Variants in COL4A5 observed in about 807,000 individuals in gnomAD.
COL4A5 encodes the protein collagen type IV alpha 5 chain.
Under a neutral mutation model 130.2 loss-of-function variants are expected in COL4A5, and 26 were observed. That is an observed-to-expected ratio of 0.20 (90% confidence interval 0.15 to 0.28). COL4A5 has a LOEUF of 0.28. Among genes scored for constraint, COL4A5 ranks in the 10% least tolerant of loss-of-function variants. COL4A5 has a pLI of 1.00. For missense variants in COL4A5, 1,131 were observed against 1,344.3 expected (o/e 0.84, Z 2.48); for synonymous variants, 496 against 439.6 (o/e 1.13, Z -1.60).
At chrX:108,682,995 C>T (rs771455368) in intron 47 of COL4A5, among the ~76,000 whole-genome samples, 97 of 111,853 alleles carry the variant, frequency 8.7e-4, no homozygotes, top group African/African-American at 3.0e-3. Context: ...ATGGTATTGC[C>T]TAGGTTTTCT....
chrX:108,633,525 C>G (rs2067303353), intron 36 of COL4A5, among the ~76,000 whole-genome samples: 1 of 110,427 alleles, frequency 9.1e-6, no homozygotes, highest in Non-Finnish European at 1.9e-5. Flanking sequence ...CAAATTTGTT[C>G]ATGAATTTTT....
At chrX:108,596,959 T>TTGTG in intron 22 of COL4A5, 39 bp from the exon 23 acceptor site, 2 of 1,101,228 alleles carry the variant, frequency 1.8e-6, no homozygotes, top group Non-Finnish European at 2.5e-6. Flanking sequence ...GCTTACGTTA[T>TTGTG]TGTGTGTGTG....
chrX:108,629,411 G>A (rs866353053), intron 36 of COL4A5, among the ~76,000 whole-genome samples: 4 of 111,465 alleles, frequency 3.6e-5, no homozygotes, highest in Middle Eastern at 4.7e-3. Flanking sequence ...AAATAATGCA[G>A]GCTAATGATG....
intron 37 of COL4A5, among the ~76,000 whole-genome samples, chrX:108,665,122 T>C (rs1428851404): frequency 8.9e-6 from 1 of 112,117 alleles, no homozygotes; most frequent in Admixed American, 9.4e-5. Flanking sequence ...TTATAATAGA[T>C]AAAAGCTGGA....
intron 48 of COL4A5, among the ~76,000 whole-genome samples, chrX:108,687,204 A>G (rs918757655): frequency 8.9e-6 from 1 of 112,235 alleles, no homozygotes; most frequent in African/African-American, 3.2e-5. Context: ...TGGCAACCAC[A>G]CCCTTCCTTT....
intron 36 of COL4A5, among the ~76,000 whole-genome samples, chrX:108,648,309 G>A (rs964450112): frequency 9.0e-6 from 1 of 110,832 alleles, no homozygotes; most frequent in Non-Finnish European, 1.9e-5. Flanking sequence ...ATTCACAACA[G>A]AATTCTGCCA....
intron 1 of COL4A5, among the ~76,000 whole-genome samples, chrX:108,520,894 A>G (rs1439654507): frequency 8.9e-6 from 1 of 111,759 alleles, no homozygotes; most frequent in Non-Finnish European, 1.9e-5. Flanking sequence ...ACCATTGTAT[A>G]TTCATCTAGA....
rs1378061727 is a variant in COL4A5, at chrX:108,687,581, G to A, written c.4415G>A (p.Arg1472His). The A allele has an allele frequency of 2.5e-6, 3 of 1,211,039 alleles. No individual in the cohort carries two copies. Among genetic ancestry groups the A allele is most frequent in the East Asian group, 3.0e-5 (1 of 33,818 alleles). ...GTTGCACATGGATTTCTTATTACAC[G>A]CCACAGCCAGACAACGGATGCACCA... ...SSVAHGFLIT[R>H]HSQTTDAPQC... Residue 1472 changes from arginine (R) to histidine (H), a missense_variant, in exon 49 of 53, where the codon CGC becomes CAC. By Grantham distance (29) the Arg-to-His change is conservative. Coordinates refer to ENST00000328300, the MANE Select transcript of COL4A5 (RefSeq NM_033380.3).
intron 29 of COL4A5, among the ~76,000 whole-genome samples, chrX:108,610,241 C>T (rs972390401): frequency 9.0e-6 from 1 of 110,499 alleles, no homozygotes; most frequent in Non-Finnish European, 1.9e-5. Flanking sequence ...GGAAGGAACC[C>T]GACTTCCCTC....
chrX:108,558,704 T>C (rs188415395), intron 2 of COL4A5, among the ~76,000 whole-genome samples: 1 of 111,795 alleles, frequency 8.9e-6, no homozygotes, highest in Admixed American at 9.5e-5. Flanking sequence ...GGTTTCCTTT[T>C]ACCCTTCCCT....
At chrX:108,550,092 A>G (rs1195273463) in intron 2 of COL4A5, among the ~76,000 whole-genome samples, 1 of 111,882 alleles carries the variant, frequency 8.9e-6, no homozygotes, top group South Asian at 3.7e-4. Context: ...AATTCTATGA[A>G]ACATTTTTGC....
intron 47 of COL4A5, 56 bp from the exon 48 acceptor site, chrX:108,685,975 T>G: frequency 2.0e-6 from 2 of 985,520 alleles, no homozygotes; most frequent in Admixed American, 4.5e-5. Flanking sequence ...CTCCTAGATC[T>G]GTCCAGATGT....
rs754836509 is a variant in COL4A5 at position 108,680,694 on chromosome X, C to T, written c.3958C>T (p.Pro1320Ser). The change falls in exon 45 of 53, where the codon CCG becomes TCG. Residue 1320 changes from proline to serine, a missense_variant. Physicochemically the swap from Pro to Ser is moderately conservative, Grantham distance 74. Transcript: ENST00000328300. ...PPGLQGNPGR[P>S]GLNGMKGDPG... The stretch of plus-strand genomic sequence containing the variant: ...ATTTATTCAGGGTAATCCTGGCCGG[C>T]CGGGTCTCAATGGAATGAAAGGAGA... The T allele has an allele frequency of 1.3e-4, 156 of 1,207,663 alleles. No homozygotes were observed. In the East Asian group the frequency reaches 4.1e-3, roughly 32 times the overall value.
In COL4A5 at chrX:108,531,009, C is replaced by T. The variant is rs767780979; in HGVS notation, c.82-8737C>T. Among the ~76,000 whole-genome samples, 288 of 102,081 alleles carry T rather than the reference C, an allele frequency of 2.8e-3. 1 individual carries two copies. The highest frequency in any genetic ancestry group is 1.0e-2 in the Middle Eastern group (2 of 201). 88.6% of individuals were successfully genotyped at this position (102,081 alleles called of 115,157 possible). A position where few individuals can be genotyped will look rare whatever the true frequency, so the allele number is the denominator to read the frequency against. The stretch of plus-strand genomic sequence containing the variant: ...ATTAAGAAAATGTGGCACATATACA[C>T]CATGGAATACTATGCAGCCATAAAA... On this transcript the variant is annotated intron_variant, in intron 1 of 52. Transcript: ENST00000328300.
chrX:108,467,699 A>G (rs999727370), intron 1 of COL4A5, among the ~76,000 whole-genome samples: 1 of 111,393 alleles, frequency 9.0e-6, no homozygotes, highest in Admixed American at 9.6e-5. Flanking sequence ...TTTTCTGTGT[A>G]CATGTTTTTT....
intron 1 of COL4A5, among the ~76,000 whole-genome samples, chrX:108,474,794 C>A (rs1184076720): frequency 9.0e-6 from 1 of 111,061 alleles, no homozygotes; most frequent in African/African-American, 3.3e-5. Flanking sequence ...GATAAGAGTT[C>A]ATTTTCTTTC....
Position 108,580,576 on chromosome X carries a change from G to T in COL4A5, c.824G>T (p.Arg275Leu). 2 of 1,209,084 alleles carry T rather than the reference G, an allele frequency of 1.7e-6. No individual in the cohort carries two copies. Among genetic ancestry groups the T allele is most frequent in the South Asian group, 3.5e-5 (2 of 56,936 alleles). Residue 275 changes from arginine to leucine, a missense_variant, in exon 14 of 53, where the codon CGT becomes CTT. Physicochemically the swap from Arg to Leu is moderately radical, Grantham distance 102 (BLOSUM62 -2). Transcript: ENST00000328300. ...GGGCCTCCTGGACCTCCAGGGATAC[G>T]TGGTCCTCCAGTAAGTACCTAAAGT... ...DRGPPGPPGI[R>L]GPPGPPGGEK...
rs558025535 is a variant in COL4A5 at position 108,607,350 on chromosome X, C to CAA, written c.2395+474_2395+475dup. 3.5e-3 allele frequency among the ~76,000 whole-genome samples: 174 copies of CAA among 49,701 alleles called. 2 individuals are homozygous for CAA. The highest frequency in any genetic ancestry group is 0.011 in the East Asian group (20 of 1,814). The allele number at this position is 49,701 out of a possible 115,157, so 43.2% of individuals were successfully genotyped here. A position where few individuals can be genotyped will look rare whatever the true frequency, so the allele number is the denominator to read the frequency against. ...TGGGTGACAGAGTGAGACTTTGTCTCAAAAAAAAAAAAAAAAACAATCATA... is the reference window on the plus strand; with the variant it reads ...TGGGTGACAGAGTGAGACTTTGTCTCAAAAAAAAAAAAAAAAAAACAATCATA... On this transcript the variant is annotated intron_variant, in intron 29 of 52. Coordinates refer to ENST00000328300, the MANE Select transcript of COL4A5 (RefSeq NM_033380.3).
chrX:108,677,890 C>A lies in COL4A5; in HGVS notation c.3942+257C>A, dbSNP rs148458420. Among the ~76,000 whole-genome samples the A allele has an allele frequency of 6.7e-3, 747 of 111,933 alleles. 7 individuals are homozygous for A. Among genetic ancestry groups the A allele is most frequent in the African/African-American group, 0.023 (708 of 30,879 alleles). On this transcript the variant is annotated intron_variant, in intron 44 of 52. Coordinates refer to ENST00000328300, the MANE Select transcript of COL4A5 (RefSeq NM_033380.3). ...TGCATATTTGGATTTGAGTAGCCTT[C>A]ATTTCAGTGAAAGCAAATTTATGCA...
Sources: gnomAD v4.1 joint callset for allele counts (sites outside exome capture counted in the v4.1 genomes callset) on GRCh38, gnomAD v4.1.1 for gene constraint, MANE v1.5 for transcripts, NCBI Gene and HGNC (gene_info 2026-07-23, HGNC 2026-07-21) for gene names.